The following USP15 variants were observed in gnomAD, a reference collection of about 807,000 sequenced individuals.
USP15 encodes the protein ubiquitin carboxyl-terminal hydrolase 15.
Under a neutral mutation model 127.1 loss-of-function variants are expected in USP15, and 18 were observed. The ratio of observed to expected loss-of-function variants is 0.14; its 90% CI spans 0.10 to 0.21. The LOEUF (loss-of-function observed/expected upper bound fraction) is 0.21, where lower values mean the gene tolerates loss of function less well. Ranked by LOEUF, USP15 falls within the 10% of genes least tolerant of loss-of-function variation. The probability of loss-of-function intolerance (pLI) is 1.00; values close to 1 mark genes in which losing one functional copy is unlikely to be tolerated. For missense variants in USP15, 805 were observed against 1,159.9 expected, an observed-to-expected ratio of 0.69 and a Z score of 4.44; for synonymous variants, 364 against 393.7, an observed-to-expected ratio of 0.92 and a Z score of 0.89.
intron 11 of USP15, among the ~76,000 whole-genome samples, chr12:62,385,854 T>C (rs1255009666): frequency 6.6e-6 from 1 of 152,084 alleles, no homozygotes; most frequent in African/African-American, 2.4e-5. Context: ...CGTAGAATAA[T>C]AAGTATAAAT....
Position 62,411,231 on chromosome 12 carries a change from C to CAGAT in USP15, c.*6859_*6862dup, listed in dbSNP as rs1241503101. The CAGAT allele has an allele frequency of 6.6e-6, 1 of 152,216 alleles. No homozygotes were observed. Among genetic ancestry groups the CAGAT allele is most frequent in the Non-Finnish European group, 1.5e-5 (1 of 68,056 alleles). The allele number at this position is 152,216 out of a possible 1,614,324, so 9.4% of individuals were successfully genotyped here. ...ATGTACACAAAGTCTGGAGACAACT[C>CAGAT]AGATAGTCACTACATCCTCTTGCTC... On this transcript the variant is annotated 3_prime_UTR_variant, in exon 22 of 22. Transcript: ENST00000280377.
In USP15 at chr12:62,391,769, A is replaced by G. The variant is rs762518946; in HGVS notation, c.2234-47A>G. ...TCCTAACATTAAAATATACTTTAAT[A>G]CTAAGACATATTAAATTTTAAAGAA... On this transcript the variant is annotated intron_variant, in intron 16 of 21. Coordinates refer to ENST00000280377, the MANE Select transcript of USP15 (RefSeq NM_001252078.2). The G allele has an allele frequency of 2.4e-5, 34 of 1,440,416 alleles. No individual in the cohort carries two copies. In the East Asian group the frequency reaches 8.0e-4, roughly 34 times the overall value. The allele number at this position is 1,440,416 out of a possible 1,614,324, so 89.2% of individuals were successfully genotyped here. A position where few individuals can be genotyped will look rare whatever the true frequency, so the allele number is the denominator to read the frequency against.
chr12:62,295,341 T>A (rs550748714), intron 2 of USP15, among the ~76,000 whole-genome samples: 17 of 152,344 alleles, frequency 1.1e-4, no homozygotes, highest in Non-Finnish European at 2.4e-4. Context: ...GTTTTACTTA[T>A]GTAATAGGGT....
chr12:62,384,408 A>T (rs919419715), intron 11 of USP15, 106 bp downstream of exon 11: 5 of 843,084 alleles, frequency 5.9e-6, no homozygotes, highest in Non-Finnish European at 8.8e-6. Flanking sequence ...TAAGTATTGA[A>T]TTATCAAGCC....
intron 5 of USP15, among the ~76,000 whole-genome samples, chr12:62,324,239 C>T (rs1364753878): frequency 2.0e-5 from 3 of 151,812 alleles, no homozygotes; most frequent in Non-Finnish European, 4.4e-5. Flanking sequence ...TTTAATCTTT[C>T]TGATGGTCTT....
intron 6 of USP15, among the ~76,000 whole-genome samples, chr12:62,343,092 A>G (rs542211013): frequency 6.6e-6 from 1 of 152,180 alleles, no homozygotes; most frequent in East Asian, 1.9e-4. Flanking sequence ...GGGCTGCTGC[A>G]TTTTCTTCAG....
rs776576116 is a variant in USP15, at chr12:62,389,527, T to C, written c.1557+13T>C. ...ACCTGCAGATAAGGTAAGATGTTTC[T>C]GGGGTTGAAGTATATAAGTTGGTAT... On this transcript the variant is annotated intron_variant, in intron 12 of 21. Coordinates refer to ENST00000280377, the MANE Select transcript of USP15 (RefSeq NM_001252078.2). The C allele has an allele frequency of 6.2e-6, 10 of 1,613,230 alleles. No individual in the cohort carries two copies. The East Asian group carries it at 1.8e-4, about 29-fold the overall frequency.
At chr12:62,330,944 A>AC (rs2137325373) in intron 6 of USP15, among the ~76,000 whole-genome samples, 1 of 151,936 alleles carries the variant, frequency 6.6e-6, no homozygotes, top group South Asian at 2.1e-4. Flanking sequence ...AAAAAAAAAA[A>AC]AAAAAACAGA....
chr12:62,386,193 T>G lies in USP15; in HGVS notation c.1473+1891T>G, dbSNP rs556108432. 2.0e-5 allele frequency among the ~76,000 whole-genome samples: 3 copies of G among 151,314 alleles called. No homozygotes were observed. In the East Asian group the frequency reaches 5.8e-4, roughly 29 times the overall value. On this transcript the variant is annotated intron_variant, in intron 11 of 21. Coordinates refer to ENST00000280377, the MANE Select transcript of USP15 (RefSeq NM_001252078.2). ...GTTTTTTTTTTTTCCTTTTTTCCAT[T>G]TAGAGGCAGTAACAACTCAAATACA...
At chr12:62,371,247 C>T (rs1487599053) in intron 8 of USP15, among the ~76,000 whole-genome samples, 1 of 152,168 alleles carries the variant, frequency 6.6e-6, no homozygotes, top group Non-Finnish European at 1.5e-5. Flanking sequence ...TGTTTCAAAA[C>T]TCTTTGTATA....
chr12:62,380,173 T>C (rs2066947464), intron 8 of USP15, among the ~76,000 whole-genome samples: 1 of 152,038 alleles, frequency 6.6e-6, no homozygotes, highest in African/African-American at 2.4e-5. Context: ...TAACCAGTTG[T>C]CCCTTTTGCC....
At chr12:62,292,072 A>G (rs1315986059) in intron 1 of USP15, among the ~76,000 whole-genome samples, 2 of 124,346 alleles carry the variant, frequency 1.6e-5, no homozygotes, top group East Asian at 2.6e-4. Flanking sequence ...AGCCCTGACA[A>G]GGGTGGCAGG....
At chr12:62,325,772 A>G in intron 5 of USP15, 100 bp from the exon 6 acceptor site, 1 of 959,534 alleles carries the variant, frequency 1.0e-6, no homozygotes, top group Non-Finnish European at 1.5e-6. Flanking sequence ...TTAAATAATC[A>G]CAGAGTTACT....
At chr12:62,365,567 T>C (rs977348942) in intron 8 of USP15, among the ~76,000 whole-genome samples, 1 of 152,194 alleles carries the variant, frequency 6.6e-6, no homozygotes, top group African/African-American at 2.4e-5. Flanking sequence ...TTAGATCCCA[T>C]TTGTCAATTT....
chr12:62,359,126 G>T (rs2066231469), intron 8 of USP15, among the ~76,000 whole-genome samples: 1 of 151,066 alleles, frequency 6.6e-6, no homozygotes, highest in African/African-American at 2.4e-5. Flanking sequence ...GCTTTGGTTG[G>T]GTGAAGTTCC....
At position 62,321,450 on chromosome 12, in the gene USP15, C is replaced by G; in HGVS notation, c.476-14C>G. 6.7e-7 allele frequency: 1 copy of G among 1,490,034 alleles called. No individual in the cohort carries two copies. The highest frequency in any genetic ancestry group is 9.1e-7 in the Non-Finnish European group (1 of 1,097,790). 92.3% of individuals were successfully genotyped at this position (1,490,034 alleles called of 1,614,324 possible). A position where few individuals can be genotyped will look rare whatever the true frequency, so the allele number is the denominator to read the frequency against. ...TACATACTATATTTATATATCTTTC[C>G]TCCTTAAATCTAGATACAATTGAAA... On this transcript the variant is annotated splice_polypyrimidine_tract_variant and intron_variant, in intron 4 of 21. Transcript: ENST00000280377.
At chr12:62,361,180 GA>G (rs2066302753) in intron 8 of USP15, among the ~76,000 whole-genome samples, 1 of 151,990 alleles carries the variant, frequency 6.6e-6, no homozygotes, top group Non-Finnish European at 1.5e-5. Context: ...ACAACTAGGG[GA>G]AAAATGGTAT....
intron 1 of USP15, among the ~76,000 whole-genome samples, chr12:62,286,314 C>T (rs1257558433): frequency 6.6e-6 from 1 of 152,018 alleles, no homozygotes; most frequent in Admixed American, 6.5e-5. Context: ...AAATACAAAT[C>T]AAAACCACAG....
At position 62,321,464 on chromosome 12, in the gene USP15, A is replaced by G; in HGVS notation, c.476A>G (p.Asp159Gly). 6.4e-7 allele frequency: 1 copy of G among 1,556,280 alleles called. No individual in the cohort carries two copies. Among genetic ancestry groups the G allele is most frequent in the Non-Finnish European group, 8.8e-7 (1 of 1,141,064 alleles). ...ATATATCTTTCCTCCTTAAATCTAG[A>G]TACAATTGAAAAGGAAATAAGAAAA... ...TRRFSKADTI[D>G]TIEKEIRKIF... Residue 159 changes from aspartate (D) to glycine (G), a missense_variant and splice_region_variant, in exon 5 of 22, where the codon GAT (aspartate) becomes GGT (glycine). Asp to Gly is a moderately conservative substitution (Grantham distance 94). This residue lies in a region of USP15 where 57 missense variants were observed against 47.3 expected (regional missense o/e 1.20). Transcript: ENST00000280377.
Sources: allele counts gnomAD v4.1 joint callset (sites outside exome capture counted in the v4.1 genomes callset), GRCh38; gene constraint gnomAD v4.1.1; regional missense constraint gnomAD v4.1.1; transcripts MANE v1.5; gene names NCBI Gene and HGNC (gene_info 2026-07-23, HGNC 2026-07-21).